Variants in ATM observed in about 807,000 individuals in gnomAD.
ATM encodes ATM serine/threonine kinase, also known as serine-protein kinase ATM.
Under a neutral mutation model 387.0 loss-of-function variants are expected in ATM, and 308 were observed. The ratio of observed to expected loss-of-function variants is 0.80; its 90% CI spans 0.73 to 0.87. The LOEUF (loss-of-function observed/expected upper bound fraction) is 0.87. Ranked by LOEUF, ATM falls within the 40% of genes least tolerant of loss-of-function variation. ATM has a pLI of 0.00. For synonymous variants in ATM, 1,156 were observed against 1,187.3 expected, an observed-to-expected ratio of 0.97 and a Z score of 0.54; for missense variants, 3,312 against 3,560.9, an observed-to-expected ratio of 0.93 and a Z score of 1.78.
chr11:108,249,101 T>C lies in ATM; in HGVS notation c.1234T>C (p.Trp412Arg), dbSNP rs587779812. Residue 412 changes from tryptophan to arginine, a missense_variant and splice_region_variant, in exon 9 of 63, where the codon TGG (tryptophan) becomes CGG (arginine). Transcript: ENST00000675843. ...ACAGAATGATTTTGATCTTGTGCCT[T>C]GGTAAAGTGTTACCATTTTCTCATT... is the stretch of plus-strand genomic sequence containing the variant. ...KSQNDFDLVP[W>R]LQIATQLISK... 4 of 1,613,778 alleles carry C rather than the reference T, an allele frequency of 2.5e-6. No individual in the cohort carries two copies. The highest frequency in any genetic ancestry group is 1.3e-5 in the African/African-American group (1 of 74,916).
At chr11:108,262,130 G>T (rs1192042152) in intron 16 of ATM, among the ~76,000 whole-genome samples, 2 of 152,056 alleles carry the variant, frequency 1.3e-5, no homozygotes, top group Non-Finnish European at 2.9e-5. Flanking sequence ...GAAATACAGA[G>T]AATGCCACAA....
rs1017350972 is a variant in ATM, at chr11:108,366,474, T to C, written c.*966T>C. The C allele has an allele frequency of 3.6e-5, 8 of 224,720 alleles. No homozygotes were observed. In the Admixed American group the frequency reaches 4.0e-4, roughly 11 times the overall value. 13.9% of individuals were successfully genotyped at this position (224,720 alleles called of 1,614,324 possible). The stretch of plus-strand genomic sequence containing the variant: ...GACACTGTAATAGTTCTATTAAATT[T>C]AGTTCCTGCTGTTTATATCTGTTGA... On this transcript the variant is annotated 3_prime_UTR_variant, in exon 63 of 63. Transcript: ENST00000675843.
intron 56 of ATM, among the ~76,000 whole-genome samples, chr11:108,340,658 A>G (rs2087439919): frequency 6.6e-6 from 1 of 152,156 alleles, no homozygotes; most frequent in Non-Finnish European, 1.5e-5. Context: ...AGTTTTATTA[A>G]TAACTGTTAG....
chr11:108,343,193 A>G lies in ATM; in HGVS notation c.8269-29A>G, dbSNP rs760264545. 1.9e-5 allele frequency: 31 copies of G among 1,613,372 alleles called. No individual in the cohort carries two copies. In the South Asian group the frequency reaches 3.4e-4, roughly 18 times the overall value. On this transcript the variant is annotated intron_variant, in intron 56 of 62. Coordinates refer to ENST00000675843, the MANE Select transcript of ATM (RefSeq NM_000051.4). ...AAATGCTCTTTAATGGCCTTTTAAA[A>G]TTAAAAGGTATTTAATCTGTAACTC...
Position 108,250,817 on chromosome 11 carries a change from G to A in ATM, c.1352G>A (p.Arg451His), listed in dbSNP as rs554805703. The stretch of plus-strand genomic sequence containing the variant: ...CTACCCCAACAGCGACATGGGGAAC[G>A]TACACCATATGTGTTACGATGCCTT... ...QLLPQQRHGE[R>H]TPYVLRCLTE... The change falls in exon 10 of 63, where the codon CGT becomes CAT. Residue 451 changes from arginine to histidine, a missense_variant. Coordinates refer to ENST00000675843, the MANE Select transcript of ATM (RefSeq NM_000051.4). 1.3e-5 allele frequency: 21 copies of A among 1,613,924 alleles called. No individual in the cohort carries two copies. The highest frequency in any genetic ancestry group is 6.7e-5 in the East Asian group (3 of 44,872).
chr11:108,265,540 A>T (rs932186783), intron 16 of ATM, among the ~76,000 whole-genome samples: 4 of 150,786 alleles, frequency 2.7e-5, no homozygotes, highest in African/African-American at 9.7e-5. Context: ...CTAGAAGAAA[A>T]CCTAGGCATT....
chr11:108,324,964 A>G (rs1200138027), intron 45 of ATM, among the ~76,000 whole-genome samples: 1 of 152,160 alleles, frequency 6.6e-6, no homozygotes, highest in Non-Finnish European at 1.5e-5. Flanking sequence ...AAGCAGGACT[A>G]AAGATGGAGG....
At chr11:108,311,779 AT>A (rs2084183827) in intron 39 of ATM, among the ~76,000 whole-genome samples, 1 of 152,162 alleles carries the variant, frequency 6.6e-6, no homozygotes, top group Non-Finnish European at 1.5e-5. Context: ...GATAGTATTT[AT>A]TTTATGTACT....
chr11:108,334,872 C>T, intron 54 of ATM, 97 bp from the exon 55 acceptor site: 1 of 1,399,328 alleles, frequency 7.1e-7, no homozygotes, highest in Non-Finnish European at 1.0e-6. Context: ...TCATTTGTTT[C>T]TCTGTTTAAT....
chr11:108,255,971 A>C (rs1364122708), intron 13 of ATM, among the ~76,000 whole-genome samples: 1 of 151,854 alleles, frequency 6.6e-6, no homozygotes, highest in Non-Finnish European at 1.5e-5. Flanking sequence ...TACACCCTCC[A>C]CCCTAAGATG....
chr11:108,359,982 C>G (rs939388993), intron 61 of ATM, among the ~76,000 whole-genome samples: 1 of 151,514 alleles, frequency 6.6e-6, no homozygotes, highest in Non-Finnish European at 1.5e-5. Context: ...CACAAAAAAC[C>G]CTTCAAAAAA....
intron 15 of ATM, 104 bp downstream of exon 15, chr11:108,257,710 C>T (rs2135410696): frequency 8.4e-7 from 1 of 1,185,808 alleles, no homozygotes; most frequent in Non-Finnish European, 1.2e-6. Flanking sequence ...GCCTTGACCT[C>T]CTGGTTTCCA....
chr11:108,326,295 ATTT>A (rs1219633668), intron 47 of ATM, 70 bp downstream of exon 47: 1 of 1,547,850 alleles, frequency 6.5e-7, no homozygotes, highest in Non-Finnish European at 8.8e-7. Flanking sequence ...ACTTTAAAAT[ATTT>A]TTAATAACAA....
chr11:108,301,828 A>G (rs1249497879), intron 35 of ATM, 39 bp downstream of exon 35: 2 of 1,603,834 alleles, frequency 1.2e-6, no homozygotes, highest in East Asian at 4.5e-5. Flanking sequence ...TACCCAGCAT[A>G]TCTAAAACAG....
chr11:108,336,872 A>G (rs780697187), intron 56 of ATM, among the ~76,000 whole-genome samples: 6 of 151,982 alleles, frequency 3.9e-5, no homozygotes, highest in Non-Finnish European at 7.3e-5. Context: ...CCAGTTTAGA[A>G]ATAACAATAA....
chr11:108,289,510 T>C (rs1454481873), intron 28 of ATM, 92 bp from the exon 29 acceptor site: 1 of 911,744 alleles, frequency 1.1e-6, no homozygotes, highest in Non-Finnish European at 1.6e-6. Context: ...AATGTGTAGG[T>C]ATTCAAATAT....
chr11:108,342,847 G>A (rs1157166901), intron 56 of ATM, among the ~76,000 whole-genome samples: 2 of 152,094 alleles, frequency 1.3e-5, no homozygotes, highest in Non-Finnish European at 2.9e-5. Context: ...TAATTTCCAA[G>A]TGAAACTCCC....
chr11:108,353,355 G>A (rs1591304502), intron 59 of ATM, among the ~76,000 whole-genome samples: 1 of 151,972 alleles, frequency 6.6e-6, no homozygotes. Flanking sequence ...CACCATGTTG[G>A]CCAGGCTGGT....
intron 16 of ATM, 148 bp from the exon 17 acceptor site, chr11:108,267,023 C>G (rs555870477): frequency 2.7e-6 from 2 of 747,352 alleles, no homozygotes; most frequent in African/African-American, 1.7e-5. Context: ...TTCGAACTCC[C>G]GACCTCAGGT....
Sources: gnomAD v4.1 joint callset for allele counts (sites outside exome capture counted in the v4.1 genomes callset) on GRCh38, gnomAD v4.1.1 for gene constraint, MANE v1.5 for transcripts, NCBI Gene and HGNC (gene_info 2026-07-23, HGNC 2026-07-21) for gene names.